PCDH15: variants seen among roughly 807,000 people sequenced by gnomAD.
The protein encoded by PCDH15 is protocadherin-15.
In PCDH15, 129 loss-of-function variants were observed where a neutral mutation model predicts 178.5. The observed-to-expected ratio is 0.72, with a 90% CI of 0.63 to 0.84. The LOEUF (loss-of-function observed/expected upper bound fraction) is 0.84. Among genes scored for constraint, PCDH15 ranks in the 40% least tolerant of loss-of-function variants. The pLI, the probability that PCDH15 is intolerant of heterozygous loss-of-function variation, is 0.00. For synonymous variants in PCDH15, 800 were observed against 732.0 expected, an observed-to-expected ratio of 1.09 and a Z score of -1.50; for missense variants, 2,230 against 2,099.9, an observed-to-expected ratio of 1.06 and a Z score of -1.21.
intron 5 of PCDH15, among the ~76,000 whole-genome samples, chr10:54,358,001 A>G (rs1945322551): frequency 6.6e-6 from 1 of 151,780 alleles, no homozygotes; most frequent in Non-Finnish European, 1.5e-5. Flanking sequence ...TACACCTTAT[A>G]CAAAAATTAA....
chr10:54,606,787 C>T (rs1471603832), intron 2 of PCDH15: 1 of 152,056 alleles, frequency 6.6e-6, no homozygotes, highest in Non-Finnish European at 1.5e-5. Flanking sequence ...GCAGAGAACA[C>T]AGATTAATTG....
intron 3 of PCDH15, among the ~76,000 whole-genome samples, chr10:54,880,048 G>T (rs1049795209): frequency 6.6e-6 from 1 of 152,080 alleles, no homozygotes; most frequent in African/African-American, 2.4e-5. Flanking sequence ...ATCTATGTAT[G>T]TTTAGAACAA....
At chr10:53,822,432 A>G (rs1564534077) in intron 32 of PCDH15, 1 of 1,583,394 alleles carries the variant, frequency 6.3e-7, no homozygotes, top group Middle Eastern at 1.7e-4. Flanking sequence ...AGGAGGAGCA[A>G]GAGGAGCAGG....
intron 15 of PCDH15, among the ~76,000 whole-genome samples, chr10:54,102,850 T>C (rs2136171749): frequency 6.6e-6 from 1 of 152,266 alleles, no homozygotes; most frequent in East Asian, 1.9e-4. Flanking sequence ...CCCCATTAAT[T>C]ATCTGACCTC....
chr10:54,774,007 C>CTT lies in PCDH15; in HGVS notation c.-29+26916_-29+26917dup, dbSNP rs763704132. On this transcript the variant is annotated intron_variant, in intron 1 of 37. Coordinates refer to ENST00000644397, the MANE Select transcript of PCDH15 (RefSeq NM_001384140.1). ...TAGATGAACTGGCATACTTCATAGG[C>CTT]TTTTTTTTTTTTTTTTTTTTTTTTT... is the stretch of plus-strand genomic sequence containing the variant. Among the ~76,000 whole-genome samples, 66 of 75,384 alleles carry CTT rather than the reference C, an allele frequency of 8.8e-4. 10 individuals carry two copies. Among genetic ancestry groups the CTT allele is most frequent in the Non-Finnish European group, 1.2e-3 (47 of 39,282 alleles). 49.5% of individuals were successfully genotyped at this position (75,384 alleles called of 152,430 possible). A position where few individuals can be genotyped will look rare whatever the true frequency, so the allele number is the denominator to read the frequency against.
At chr10:54,197,354 G>A (rs1005417200) in intron 10 of PCDH15, among the ~76,000 whole-genome samples, 2 of 151,722 alleles carry the variant, frequency 1.3e-5, no homozygotes, top group East Asian at 1.9e-4. Flanking sequence ...TGTATTGGAA[G>A]GTTTAATTTA....
intron 2 of PCDH15, among the ~76,000 whole-genome samples, chr10:55,002,106 CT>C (rs1169666167): frequency 2.0e-5 from 3 of 152,122 alleles, no homozygotes; most frequent in Admixed American, 1.3e-4. Context: ...TACCTAGAAA[CT>C]GATCTTGGAA....
rs144955298 is a variant in PCDH15 at position 53,840,352 on chromosome 10, G to A, written c.3951C>T (p.Thr1317=). Residue 1317 remains threonine, a synonymous_variant, in exon 29 of 38, where the codon ACC becomes ACT. Coordinates refer to ENST00000644397, the MANE Select transcript of PCDH15 (RefSeq NM_001384140.1). ...GCTCATTTCTATCGATGGCTCTGTT[G>A]GTTTGGGGGTCAATTGCATAGACAG... The part of the protein sequence containing the change: ...DLTVYAIDPQ[T]NRAIDRNELF... 5.1e-5 allele frequency: 82 copies of A among 1,614,160 alleles called. No individual in the cohort carries two copies. In the East Asian group the frequency reaches 1.7e-3, roughly 34 times the overall value.
chr10:55,602,458 G>C (rs1350049542), intron 2 of PCDH15, among the ~76,000 whole-genome samples: 1 of 152,096 alleles, frequency 6.6e-6, no homozygotes, highest in Admixed American at 6.6e-5. Flanking sequence ...CAAAAAGACA[G>C]CAGTAACCTC....
intron 8 of PCDH15, among the ~76,000 whole-genome samples, chr10:54,253,337 G>C (rs2132132919): frequency 6.6e-6 from 1 of 151,992 alleles, no homozygotes; most frequent in South Asian, 2.1e-4. Flanking sequence ...GAACACAGTG[G>C]TTTTTATTGT....
In PCDH15 at chr10:54,527,830, C is replaced by T. The variant is rs1589906631; in HGVS notation, c.139G>A (p.Asp47Asn). 1 of 1,610,880 alleles carries T rather than the reference C, an allele frequency of 6.2e-7. No individual in the cohort carries two copies. The highest frequency in any genetic ancestry group is 1.1e-5 in the South Asian group (1 of 90,638). ...CACTTACCATTCCGACTTTCTTCAT[C>T]AATAGCAACTATGGTAGCTGGTGGT... The part of the protein sequence containing the change: ...GGPPATIVAI[D>N]EESRNGTILV... The change falls in exon 3 of 38, where the codon GAT becomes AAT. Residue 47 changes from aspartate (D) to asparagine (N), a missense_variant. Transcript: ENST00000644397.
intron 1 of PCDH15, among the ~76,000 whole-genome samples, chr10:54,741,338 C>T (rs1049854888): frequency 6.6e-6 from 1 of 151,468 alleles, no homozygotes; most frequent in Non-Finnish European, 1.5e-5. Flanking sequence ...TTTCTCTTTC[C>T]AAGTATTATG....
intron 3 of PCDH15, among the ~76,000 whole-genome samples, chr10:54,848,292 A>G (rs1287628802): frequency 6.7e-6 from 1 of 149,394 alleles, no homozygotes; most frequent in Non-Finnish European, 1.5e-5. Context: ...CTGAGGCAGG[A>G]GAATCCTTGA....
intron 1 of PCDH15, among the ~76,000 whole-genome samples, chr10:54,754,451 T>C (rs373233502): frequency 2.0e-4 from 31 of 152,122 alleles, no homozygotes; most frequent in African/African-American, 7.5e-4. Flanking sequence ...AATTAAGTCC[T>C]TATTAAGCCT....
intron 2 of PCDH15, among the ~76,000 whole-genome samples, chr10:54,547,492 T>A (rs762714275): frequency 8.5e-5 from 13 of 152,144 alleles, no homozygotes; most frequent in Non-Finnish European, 1.6e-4. Flanking sequence ...CTGTGTGCAC[T>A]TTGATAGACT....
At chr10:54,881,997 G>T (rs1954272175) in intron 3 of PCDH15, among the ~76,000 whole-genome samples, 1 of 152,056 alleles carries the variant, frequency 6.6e-6, no homozygotes. Context: ...TTTCTTTTCT[G>T]TTTTGTTCCC....
chr10:54,121,195 T>TTTTTTTTTTTTTTTG (rs1468310840), intron 15 of PCDH15, among the ~76,000 whole-genome samples: 2 of 152,006 alleles, frequency 1.3e-5, no homozygotes, highest in African/African-American at 4.8e-5. Flanking sequence ...GAGTGACTTT[T>TTTTTTTTTTTTTTTG]AAGTAAACAA....
At chr10:54,947,232 G>A (rs16906730) in intron 2 of PCDH15, among the ~76,000 whole-genome samples, 3,134 of 151,910 alleles carry the variant, frequency 0.021, 128 homozygotes, top group African/African-American at 0.07. Context: ...AGGTTTTTGC[G>A]TGACTTAGCT....
intron 26 of PCDH15, among the ~76,000 whole-genome samples, chr10:53,897,655 AC>A (rs1369381034): frequency 6.6e-6 from 1 of 151,902 alleles, no homozygotes; most frequent in East Asian, 1.9e-4. Context: ...TTCTTCCCAA[AC>A]GGTAACAGAG....
Sources: gnomAD v4.1 joint callset for allele counts (sites outside exome capture counted in the v4.1 genomes callset) on GRCh38, gnomAD v4.1.1 for gene constraint, MANE v1.5 for transcripts, NCBI Gene and HGNC (gene_info 2026-07-23, HGNC 2026-07-21) for gene names.